Variants in ROBO1 observed in about 807,000 individuals in gnomAD.
ROBO1 encodes the protein roundabout guidance receptor 1, also known as roundabout homolog 1.
ROBO1 carries 149 observed loss-of-function variants against 195.9 expected under a neutral mutation model. The observed-to-expected ratio is 0.76, with a 90% confidence interval of 0.67 to 0.87. The LOEUF (loss-of-function observed/expected upper bound fraction) is 0.87, where lower values mean the gene tolerates loss of function less well. Ranked by LOEUF, ROBO1 falls within the 40% of genes least tolerant of loss-of-function variation. The pLI is 0.00. For missense variants in ROBO1, 1,933 were observed against 2,068.3 expected (o/e 0.93, Z 1.27); for synonymous variants, 816 against 733.2 (o/e 1.11, Z -1.82).
At chr3:78,679,278 C>T (rs1575915426) in intron 10 of ROBO1, among the ~76,000 whole-genome samples, 1 of 151,994 alleles carries the variant, frequency 6.6e-6, no homozygotes, top group Non-Finnish European at 1.5e-5. Flanking sequence ...GACAGGGATG[C>T]CCTCTCTCAC....
chr3:79,221,437 G>C (rs1391064739), intron 2 of ROBO1, among the ~76,000 whole-genome samples: 1 of 151,960 alleles, frequency 6.6e-6, no homozygotes, highest in African/African-American at 2.4e-5. Flanking sequence ...CCATACAATG[G>C]GGGCATACTG....
In ROBO1 at chr3:78,640,647, G is replaced by C. The variant is rs568619098; in HGVS notation, c.2883-749C>G. 2.2e-4 allele frequency among the ~76,000 whole-genome samples: 34 copies of C among 152,290 alleles called. No homozygotes were observed. The South Asian group carries it at 5.6e-3, about 25-fold the overall frequency. On this transcript the variant is annotated intron_variant, in intron 21 of 30. Transcript: ENST00000464233. ...TCCTCTTTTACTGTGCATTGGGAATGCCAAGTACATCAGCGATTATTAATG... is the reference window on the plus strand; with the variant it reads ...TCCTCTTTTACTGTGCATTGGGAATCCCAAGTACATCAGCGATTATTAATG...
At chr3:79,174,443 G>A (rs370897230) in intron 2 of ROBO1, among the ~76,000 whole-genome samples, 19 of 151,894 alleles carry the variant, frequency 1.3e-4, no homozygotes, top group Admixed American at 8.5e-4. Context: ...CCGGACATGC[G>A]GCCTTTAAGA....
chr3:79,755,702 C>T (rs969289772), intron 1 of ROBO1, among the ~76,000 whole-genome samples: 3 of 152,222 alleles, frequency 2.0e-5, no homozygotes, highest in African/African-American at 7.2e-5. Flanking sequence ...GGCTTATTTC[C>T]AGCACCAAGA....
At chr3:79,750,315 T>C (rs1451013640) in intron 1 of ROBO1, among the ~76,000 whole-genome samples, 2 of 152,228 alleles carry the variant, frequency 1.3e-5, no homozygotes, top group African/African-American at 4.8e-5. Flanking sequence ...TTTTACAGGC[T>C]CATAGGCAAA....
intron 2 of ROBO1, among the ~76,000 whole-genome samples, chr3:79,458,256 G>A (rs1000029560): frequency 2.6e-5 from 4 of 152,236 alleles, no homozygotes; most frequent in East Asian, 1.9e-4. Context: ...AAATGTTAAC[G>A]GGCAGAGAAG....
At chr3:78,781,108 A>G (rs1198573039) in intron 4 of ROBO1, among the ~76,000 whole-genome samples, 3 of 152,144 alleles carry the variant, frequency 2.0e-5, no homozygotes, top group Non-Finnish European at 2.9e-5. Context: ...TCACTACTCT[A>G]AAACAACAAT....
At chr3:79,049,398 T>G (rs963124460) in intron 3 of ROBO1, among the ~76,000 whole-genome samples, 1 of 152,094 alleles carries the variant, frequency 6.6e-6, no homozygotes, top group East Asian at 1.9e-4. Flanking sequence ...AGGGACTATG[T>G]GAAAAGACCA....
At chr3:79,095,473 T>C (rs115286088) in intron 3 of ROBO1, among the ~76,000 whole-genome samples, 127 of 152,110 alleles carry the variant, frequency 8.3e-4, no homozygotes, top group Non-Finnish European at 1.6e-3. Context: ...GGTGACTAGC[T>C]ATGTGAGTGA....
chr3:78,906,086 G>A lies in ROBO1; in HGVS notation c.499+32515C>T, dbSNP rs186201973. 1.0e-3 allele frequency among the ~76,000 whole-genome samples: 157 copies of A among 152,106 alleles called. 1 individual carries two copies. The highest frequency in any genetic ancestry group is 3.7e-3 in the African/African-American group (153 of 41,512). On this transcript the variant is annotated intron_variant, in intron 4 of 30. Transcript: ENST00000464233. ...TTTTCATTTTTGTTTTATATATATTGCTATTGCTAACAACATTCTTATTTC... is the reference window on the plus strand; with the variant it reads ...TTTTCATTTTTGTTTTATATATATTACTATTGCTAACAACATTCTTATTTC...
In ROBO1 at chr3:78,753,092, A is replaced by G. The variant is rs1396846928; in HGVS notation, c.500-6192T>C. ...GGATGGATGGCAAATATCACTCAAC[A>G]TTATATGATAACAACGTAACATGAA... On this transcript the variant is annotated intron_variant, in intron 4 of 30. Coordinates refer to ENST00000464233, the MANE Select transcript of ROBO1 (RefSeq NM_002941.4). Among the ~76,000 whole-genome samples, 4 of 152,168 alleles carry G rather than the reference A, an allele frequency of 2.6e-5. No homozygotes were observed. In the East Asian group the frequency reaches 7.7e-4, roughly 29 times the overall value.
chr3:78,944,413 A>G (rs2040303520), intron 3 of ROBO1, among the ~76,000 whole-genome samples: 1 of 152,234 alleles, frequency 6.6e-6, no homozygotes, highest in Non-Finnish European at 1.5e-5. Context: ...GCAGCCATCT[A>G]TAAGCCAGAA....
intron 28 of ROBO1, among the ~76,000 whole-genome samples, chr3:78,612,191 C>T (rs546160989): frequency 6.6e-6 from 1 of 152,240 alleles, no homozygotes; most frequent in East Asian, 1.9e-4. Flanking sequence ...TACTGACAAA[C>T]CATATTCTGA....
chr3:78,678,132 C>A (rs1268419031), intron 10 of ROBO1, among the ~76,000 whole-genome samples: 1 of 152,034 alleles, frequency 6.6e-6, no homozygotes, highest in East Asian at 1.9e-4. Flanking sequence ...CCAATGAGAA[C>A]AAAGACACAA....
intron 2 of ROBO1, among the ~76,000 whole-genome samples, chr3:79,149,622 G>T (rs2080725148): frequency 6.6e-6 from 1 of 151,718 alleles, no homozygotes; most frequent in African/African-American, 2.4e-5. Context: ...ATCGGCCTCA[G>T]TGGTTTGGTG....
intron 1 of ROBO1, among the ~76,000 whole-genome samples, chr3:79,598,484 T>A (rs1944246582): frequency 6.6e-6 from 1 of 152,064 alleles, no homozygotes; most frequent in Non-Finnish European, 1.5e-5. Context: ...TTAAAAACTT[T>A]AAAAAGTAAC....
intron 2 of ROBO1, among the ~76,000 whole-genome samples, chr3:79,199,963 C>T (rs1393934549): frequency 6.6e-6 from 1 of 151,184 alleles, no homozygotes; most frequent in Non-Finnish European, 1.5e-5. Flanking sequence ...GTTATTCTGA[C>T]TATAAGGATG....
intron 21 of ROBO1, among the ~76,000 whole-genome samples, chr3:78,641,743 A>G (rs1705968871): frequency 6.6e-6 from 1 of 152,182 alleles, no homozygotes; most frequent in African/African-American, 2.4e-5. Context: ...ACTGACTTAC[A>G]TGTTTCAAAA....
chr3:78,848,627 G>T (rs903002493), intron 4 of ROBO1, among the ~76,000 whole-genome samples: 2 of 152,154 alleles, frequency 1.3e-5, no homozygotes, highest in Non-Finnish European at 2.9e-5. Flanking sequence ...TGCAAGTCTA[G>T]AGAGAAGTGA....
Sources: gnomAD v4.1 joint callset for allele counts (sites outside exome capture counted in the v4.1 genomes callset) on GRCh38, gnomAD v4.1.1 for gene constraint, MANE v1.5 for transcripts, NCBI Gene and HGNC (gene_info 2026-07-23, HGNC 2026-07-21) for gene names.